The following PRMT9 variants were observed in gnomAD, a reference collection of about 807,000 sequenced individuals.
PRMT9 encodes protein arginine N-methyltransferase 9.
In PRMT9, 59 loss-of-function variants were observed where a neutral mutation model predicts 83.2. That is an observed-to-expected ratio of 0.71 (90% CI 0.57 to 0.88). PRMT9 has a LOEUF of 0.88. PRMT9 is among the 40% of genes least tolerant of loss of function. The pLI is 0.00. For synonymous variants in PRMT9, 333 were observed against 353.2 expected, an observed-to-expected ratio of 0.94 and a Z score of 0.64; for missense variants, 947 against 1,021.9, an observed-to-expected ratio of 0.93 and a Z score of 1.00.
intron 9 of PRMT9, among the ~76,000 whole-genome samples, chr4:147,647,724 T>C (rs563678901): frequency 6.6e-6 from 1 of 152,230 alleles, no homozygotes; most frequent in African/African-American, 2.4e-5. Context: ...GGTTTCACCA[T>C]GTTGGCCAGG....
Position 147,653,872 on chromosome 4 carries a change from C to T in PRMT9, c.2025G>A (p.Met675Ile). 6.2e-7 allele frequency: 1 copy of T among 1,612,880 alleles called. No homozygotes were observed. The highest frequency in any genetic ancestry group is 1.1e-5 in the South Asian group (1 of 90,950). The change falls in exon 9 of 12, where the codon ATG becomes ATA. Residue 675 changes from methionine to isoleucine, a missense_variant. Met to Ile is a conservative substitution (Grantham distance 10). Coordinates refer to ENST00000322396, the MANE Select transcript of PRMT9 (RefSeq NM_138364.4). ...TTTACCTGGATATTGCAGCTTTTTCCATTATTTCCTGCTGAATGAGCCCAG... is the reference window on the plus strand; with the variant it reads ...TTTACCTGGATATTGCAGCTTTTTCTATTATTTCCTGCTGAATGAGCCCAG... ...EPSGLIQQEI[M>I]EKAAISRCLL...
intron 9 of PRMT9, among the ~76,000 whole-genome samples, chr4:147,652,560 C>G (rs112184979): frequency 1.3e-5 from 2 of 152,024 alleles, no homozygotes; most frequent in African/African-American, 4.8e-5. Flanking sequence ...GTGGCACATG[C>G]CTGTAACCCT....
intron 9 of PRMT9, among the ~76,000 whole-genome samples, chr4:147,647,669 C>T (rs1313994577): frequency 6.6e-6 from 1 of 152,042 alleles, no homozygotes; most frequent in Non-Finnish European, 1.5e-5. Flanking sequence ...ATTACAGGCA[C>T]ACATCACCAT....
At chr4:147,653,309 G>A (rs896391170) in intron 9 of PRMT9, among the ~76,000 whole-genome samples, 1 of 151,988 alleles carries the variant, frequency 6.6e-6, no homozygotes, top group Non-Finnish European at 1.5e-5. Context: ...TTAGCTGGTG[G>A]GGTGTGCCTG....
chr4:147,668,641 T>G lies in PRMT9; in HGVS notation c.851A>C (p.Lys284Thr). Residue 284 changes from lysine (K) to threonine (T), a missense_variant, in exon 6 of 12, where the codon AAA becomes ACA. Coordinates refer to ENST00000322396, the MANE Select transcript of PRMT9 (RefSeq NM_138364.4). ...WEHLLLQPKT[K>T]GESANCEKYG... is the part of the protein sequence containing the mutation. ...CTTTTCACAATTAGCACTTTCACCTTTGGTCTAAAAAAAATAACAATAAGA... is the reference window on the plus strand; with the variant it reads ...CTTTTCACAATTAGCACTTTCACCTGTGGTCTAAAAAAAATAACAATAAGA... The G allele has an allele frequency of 1.3e-6, 2 of 1,587,498 alleles. No individual in the cohort carries two copies. The highest frequency in any genetic ancestry group is 1.7e-6 in the Non-Finnish European group (2 of 1,156,286).
intron 4 of PRMT9, chr4:147,671,915 G>A (rs924937505): frequency 2.2e-6 from 1 of 455,090 alleles, no homozygotes; most frequent in Non-Finnish European, 4.4e-6. Context: ...GCCGTGTAAA[G>A]ACACAACAAG....
At chr4:147,657,503 A>G (rs1560981888) in intron 8 of PRMT9, among the ~76,000 whole-genome samples, 1 of 151,912 alleles carries the variant, frequency 6.6e-6, no homozygotes, top group Non-Finnish European at 1.5e-5. Context: ...CGGCCTGGGC[A>G]AAAGAGCGAG....
At chr4:147,655,422 C>G (rs962025159) in intron 8 of PRMT9, among the ~76,000 whole-genome samples, 3 of 152,170 alleles carry the variant, frequency 2.0e-5, no homozygotes, top group African/African-American at 7.2e-5. Flanking sequence ...CTCAGCCTTC[C>G]AATGTGTTGG....
At chr4:147,649,900 C>T (rs1733981695) in intron 9 of PRMT9, among the ~76,000 whole-genome samples, 1 of 152,206 alleles carries the variant, frequency 6.6e-6, no homozygotes, top group African/African-American at 2.4e-5. Flanking sequence ...CCAGTTACTA[C>T]AATACATCAC....
At chr4:147,646,464 T>C (rs1275137507) in intron 9 of PRMT9, among the ~76,000 whole-genome samples, 3 of 151,460 alleles carry the variant, frequency 2.0e-5, no homozygotes, top group Non-Finnish European at 2.9e-5. Context: ...AGAAAGAGAG[T>C]TGGAGAACGA....
chr4:147,659,835 C>A (rs1734829419), intron 7 of PRMT9, among the ~76,000 whole-genome samples: 1 of 152,210 alleles, frequency 6.6e-6, no homozygotes, highest in Admixed American at 6.5e-5. Flanking sequence ...CCTGCCTCGG[C>A]CTCCCAAAGT....
intron 6 of PRMT9, among the ~76,000 whole-genome samples, chr4:147,662,543 G>C (rs1395226568): frequency 6.6e-6 from 1 of 152,230 alleles, no homozygotes; most frequent in East Asian, 1.9e-4. Flanking sequence ...GTTTACACCT[G>C]TAATCCCAGT....
chr4:147,640,093 T>TTTTA lies in PRMT9; in HGVS notation c.2200-1012_2200-1011insTAAA, dbSNP rs1225892861. ...TTTTTTTTTTTTTTTTTTTTTTTAA[T>TTTTA]ATAGGGTCTCACTCTGTTCCCCAGG... On this transcript the variant is annotated intron_variant, in intron 10 of 11. Transcript: ENST00000322396. Among the ~76,000 whole-genome samples, 4 of 18,520 alleles carry TTTTA rather than the reference T, an allele frequency of 2.2e-4. 1 individual carries two copies. The highest frequency in any genetic ancestry group is 2.8e-4 in the African/African-American group (3 of 10,648). The allele number at this position is 18,520 out of a possible 152,430, so 12.1% of individuals were successfully genotyped here. A position where few individuals can be genotyped will look rare whatever the true frequency, so the allele number is the denominator to read the frequency against.
intron 9 of PRMT9, among the ~76,000 whole-genome samples, chr4:147,648,396 C>A (rs1461572608): frequency 4.6e-5 from 7 of 152,218 alleles, no homozygotes; most frequent in Admixed American, 4.6e-4. Context: ...TTCCAGGTAG[C>A]TGAACACATG....
At chr4:147,677,303 A>G (rs939203425) in intron 2 of PRMT9, among the ~76,000 whole-genome samples, 7 of 151,782 alleles carry the variant, frequency 4.6e-5, no homozygotes, top group South Asian at 2.1e-4. Flanking sequence ...AATTCCAAAG[A>G]AAAAAAAGGC....
At chr4:147,658,076 A>C in intron 7 of PRMT9, 101 bp from the exon 8 acceptor site, 2 of 809,120 alleles carry the variant, frequency 2.5e-6, no homozygotes, top group Non-Finnish European at 4.1e-6. Flanking sequence ...AGTCCTGCCC[A>C]GCTCCCTTAG....
intron 2 of PRMT9, among the ~76,000 whole-genome samples, chr4:147,674,260 TG>T (rs1735929609): frequency 6.6e-6 from 1 of 152,320 alleles, no homozygotes; most frequent in East Asian, 1.9e-4. Context: ...GCAACTGAGT[TG>T]AATAGTCATC....
At chr4:147,659,450 TCA>T (rs899676253) in intron 7 of PRMT9, among the ~76,000 whole-genome samples, 19 of 151,998 alleles carry the variant, frequency 1.3e-4, no homozygotes, top group African/African-American at 3.4e-4. Context: ...AAAATTACCC[TCA>T]CAGAGTCTTC....
chr4:147,644,417 A>T lies in PRMT9; in HGVS notation c.2046-1477T>A, dbSNP rs567422958. Among the ~76,000 whole-genome samples, 547 of 151,790 alleles carry T rather than the reference A, an allele frequency of 3.6e-3. 2 individuals carry two copies. Among genetic ancestry groups the T allele is most frequent in the Non-Finnish European group, 6.4e-3 (435 of 67,910 alleles). On this transcript the variant is annotated intron_variant, in intron 9 of 11. Coordinates refer to ENST00000322396, the MANE Select transcript of PRMT9 (RefSeq NM_138364.4). ...CAAATACTCTAATACTGGAGGAGAG[A>T]GAGTCAAGGGTTAACAAAATCCTTT...
Sources: allele counts gnomAD v4.1 joint callset (sites outside exome capture counted in the v4.1 genomes callset), GRCh38; gene constraint gnomAD v4.1.1; transcripts MANE v1.5; gene names NCBI Gene and HGNC (gene_info 2026-07-23, HGNC 2026-07-21).